Variants in FOXD1 observed in about 807,000 individuals in gnomAD.
FOXD1 encodes forkhead box D1.
A neutral mutation model predicts 2.0 loss-of-function variants in FOXD1; 4 were observed. The ratio of observed to expected loss-of-function variants is 2.03; its 90% CI spans 1.00 to 4.64. The LOEUF is 4.64. FOXD1 is among the 30% of genes most tolerant of loss of function. FOXD1 has a pLI of 0.01. For missense variants in FOXD1, 586 were observed against 647.6 expected (o/e 0.90, Z 1.03); for synonymous variants, 354 against 328.5 (o/e 1.08, Z -0.84).
Position 73,448,294 on chromosome 5 carries a change from C to G in FOXD1, c.69G>C (p.Gly23=), listed in dbSNP as rs114980107. 0.036 allele frequency: 53,508 copies of G among 1,470,302 alleles called. 1,138 individuals are homozygous for G. The highest frequency in any genetic ancestry group is 0.081 in the East Asian group (2,693 of 33,368). 91.1% of individuals were successfully genotyped at this position (1,470,302 alleles called of 1,614,324 possible). A position where few individuals can be genotyped will look rare whatever the true frequency, so the allele number is the denominator to read the frequency against. ...CCTCGTCTTCTTCGTCCTCGCCCTC[C>G]CCCACCACGTCGATGTCTGTTTCCT... ...LAEETDIDVV[G]EGEDEEDEEE... The change falls in exon 1 of 1, where the codon GGG becomes GGC. Residue 23 remains glycine (G), a synonymous_variant. Transcript: ENST00000615637.
At position 73,447,154 on chromosome 5, in the gene FOXD1, G is replaced by C. The variant is rs1745513968; in HGVS notation, c.1209C>G (p.Pro403=). The change falls in exon 1 of 1, where the codon CCC becomes CCG. Residue 403 remains proline (P), a synonymous_variant. Transcript: ENST00000615637. The surrounding 1 kb of genome is among the most constrained non-coding windows in gnomAD (Gnocchi z 7.8). ...CCGCGCAGCCTCCTCCGCTGGATCC[G>C]GGAGCTGGCGGCGCCGCCACCGGCG... ...SPSPVAAPPA[P]GSSGGGCAAQ... is the part of the protein sequence containing the mutation. The C allele has an allele frequency of 2.4e-5, 27 of 1,126,488 alleles. No individual in the cohort carries two copies. The highest frequency in any genetic ancestry group is 2.9e-5 in the Non-Finnish European group (27 of 920,018). The allele number at this position is 1,126,488 out of a possible 1,614,324, so 69.8% of individuals were successfully genotyped here.
Position 73,447,461 on chromosome 5 carries a change from G to A in FOXD1, c.902C>T (p.Ala301Val). The A allele has an allele frequency of 1.0e-6, 1 of 991,634 alleles. No individual in the cohort carries two copies. The highest frequency in any genetic ancestry group is 1.2e-6 in the Non-Finnish European group (1 of 836,234). The allele number at this position is 991,634 out of a possible 1,614,324, so 61.4% of individuals were successfully genotyped here. ...GGGCGAGTGCGGGTGGAAGGCGGCG[G>A]CGGCGGCGGCGGCCGCTGCGGCGGC... ...LFAAAAAAAA[A>V]AAFHPHSPPP... is the part of the protein sequence containing the mutation. Residue 301 changes from alanine (A) to valine (V), a missense_variant, in exon 1 of 1, where the codon GCC becomes GTC. This residue lies in a region of FOXD1 where 253 missense variants were observed against 234.4 expected (regional missense o/e 1.08). Transcript: ENST00000615637. The surrounding 1 kb of genome is among the most constrained non-coding windows in gnomAD (Gnocchi z 7.8).
In FOXD1 at chr5:73,447,913, C is replaced by A. The variant is rs761960630; in HGVS notation, c.450G>T (p.Glu150Asp). Reference protein sequence around the residue: ...QSPKKRLTLSEICEFISGRFP... With the variant: ...QSPKKRLTLSDICEFISGRFP... ...AGCGGCCGCTGATGAACTCACAGAT[C>A]TCGCTCAGCGTCAGCCGCTTCTTGG... The change falls in exon 1 of 1, where the codon GAG becomes GAT. Residue 150 changes from glutamate to aspartate, a missense_variant. Glu to Asp is a conservative substitution (Grantham distance 45). Coordinates refer to ENST00000615637, the MANE Select transcript of FOXD1 (RefSeq NM_004472.3). This position sits in a 1 kb window ranked among gnomAD's most constrained non-coding sequence, Gnocchi z 7.8. The A allele has an allele frequency of 1.2e-6, 2 of 1,610,936 alleles. No individual in the cohort carries two copies. Among genetic ancestry groups the A allele is most frequent in the Middle Eastern group, 1.7e-4 (1 of 6,050 alleles).
rs2112140192 is a variant in FOXD1, at chr5:73,447,922, C to T, written c.441G>A (p.Thr147=). 6.2e-7 allele frequency: 1 copy of T among 1,610,206 alleles called. No individual in the cohort carries two copies. The highest frequency in any genetic ancestry group is 1.1e-5 in the South Asian group (1 of 90,640). Residue 147 remains threonine, a synonymous_variant, in exon 1 of 1, where the codon ACG becomes ACA. Coordinates refer to ENST00000615637, the MANE Select transcript of FOXD1 (RefSeq NM_004472.3). This position sits in a 1 kb window ranked among gnomAD's most constrained non-coding sequence, Gnocchi z 7.8. ...TGATGAACTCACAGATCTCGCTCAG[C>T]GTCAGCCGCTTCTTGGGGCTCTGCA... ...AILQSPKKRL[T]LSEICEFISG... is the part of the protein sequence containing the mutation.
rs1745550294 is a variant in FOXD1, at chr5:73,448,318, C to T, written c.45G>A (p.Glu15=). ...TEMSDASGLA[E]ETDIDVVGEG... ...CCCCCACCACGTCGATGTCTGTTTC[C>T]TCGGCGAGGCCAGAGGCATCGGACA... Residue 15 remains glutamate (E), a synonymous_variant, in exon 1 of 1, where the codon GAG becomes GAA. Coordinates refer to ENST00000615637, the MANE Select transcript of FOXD1 (RefSeq NM_004472.3). 2.1e-6 allele frequency: 3 copies of T among 1,458,180 alleles called. No homozygotes were observed. Among genetic ancestry groups the T allele is most frequent in the Non-Finnish European group, 2.7e-6 (3 of 1,096,194 alleles). The allele number at this position is 1,458,180 out of a possible 1,614,324, so 90.3% of individuals were successfully genotyped here. A position where few individuals can be genotyped will look rare whatever the true frequency, so the allele number is the denominator to read the frequency against.
chr5:73,448,429 A>T lies in FOXD1; in HGVS notation c.-67T>A, dbSNP rs1028136718. ...GGGCTCCGGGCTCCCTCTGCGCCCCAGCCCGGGTCCCGGGCGGCAGGCCCG... is the reference window on the plus strand; with the variant it reads ...GGGCTCCGGGCTCCCTCTGCGCCCCTGCCCGGGTCCCGGGCGGCAGGCCCG... On this transcript the variant is annotated 5_prime_UTR_variant, in exon 1 of 1. Transcript: ENST00000615637. 9.7e-7 allele frequency: 1 copy of T among 1,027,096 alleles called. No homozygotes were observed. The highest frequency in any genetic ancestry group is 4.5e-5 in the South Asian group (1 of 22,186). 63.6% of individuals were successfully genotyped at this position (1,027,096 alleles called of 1,614,324 possible).
At position 73,448,181 on chromosome 5, in the gene FOXD1, C is replaced by T; in HGVS notation, c.182G>A (p.Gly61Glu). 6.9e-7 allele frequency: 1 copy of T among 1,446,378 alleles called. No individual in the cohort carries two copies. The highest frequency in any genetic ancestry group is 9.1e-7 in the Non-Finnish European group (1 of 1,093,402). 89.6% of individuals were successfully genotyped at this position (1,446,378 alleles called of 1,614,324 possible). A position where few individuals can be genotyped will look rare whatever the true frequency, so the allele number is the denominator to read the frequency against. Residue 61 changes from glycine (G) to glutamate (E), a missense_variant, in exon 1 of 1, where the codon GGG becomes GAG. By Grantham distance (98) the Gly-to-Glu change is moderately conservative. Around this residue, in one of 4 missense-constraint regions of FOXD1, gnomAD observed 183 missense variants for 159.2 expected, o/e 1.15. Coordinates refer to ENST00000615637, the MANE Select transcript of FOXD1 (RefSeq NM_004472.3). ...CTCCAGATCCTCCAGCTCGTCCTCC[C>T]CGGCGTACGAGCGCCGCCGCCGCCG... Reference protein sequence around the residue: ...QRRRRRRSYAGEDELEDLEEE... With the variant: ...QRRRRRRSYAEEDELEDLEEE...
In FOXD1 at chr5:73,448,496, C is replaced by G. The variant is rs1217726154; in HGVS notation, c.-134G>C. The stretch of plus-strand genomic sequence containing the variant: ...CTGGGGGCGCTGCGACTGCGGCTGC[C>G]GGAGCTGCGCCGGGGCTGCCGGGTG... On this transcript the variant is annotated 5_prime_UTR_variant, in exon 1 of 1. Coordinates refer to ENST00000615637, the MANE Select transcript of FOXD1 (RefSeq NM_004472.3). 1 of 403,988 alleles carries G rather than the reference C, an allele frequency of 2.5e-6. No individual in the cohort carries two copies. The highest frequency in any genetic ancestry group is 3.3e-6 in the Non-Finnish European group (1 of 298,576). The allele number at this position is 403,988 out of a possible 1,614,324, so 25.0% of individuals were successfully genotyped here.
rs771097469 is a variant in FOXD1, at chr5:73,448,182, C to A, written c.181G>T (p.Gly61Trp). The A allele has an allele frequency of 2.8e-6, 4 of 1,445,356 alleles. No individual in the cohort carries two copies. Among genetic ancestry groups the A allele is most frequent in the Non-Finnish European group, 3.7e-6 (4 of 1,093,078 alleles). 89.5% of individuals were successfully genotyped at this position (1,445,356 alleles called of 1,614,324 possible). A position where few individuals can be genotyped will look rare whatever the true frequency, so the allele number is the denominator to read the frequency against. Residue 61 changes from glycine (G) to tryptophan (W), a missense_variant, in exon 1 of 1, where the codon GGG (glycine) becomes TGG (tryptophan). By Grantham distance (184) the Gly-to-Trp change is radical. This residue lies in a region of FOXD1 where 183 missense variants were observed against 159.2 expected (regional missense o/e 1.15). Transcript: ENST00000615637. ...QRRRRRRSYA[G>W]EDELEDLEEE... The stretch of plus-strand genomic sequence containing the variant: ...TCCAGATCCTCCAGCTCGTCCTCCC[C>A]GGCGTACGAGCGCCGCCGCCGCCGC...
At position 73,447,862 on chromosome 5, in the gene FOXD1, G is replaced by T. The variant is rs1239096145; in HGVS notation, c.501C>A (p.Pro167=). The T allele has an allele frequency of 6.2e-7, 1 of 1,611,660 alleles. No individual in the cohort carries two copies. Among genetic ancestry groups the T allele is most frequent in the Non-Finnish European group, 8.5e-7 (1 of 1,178,932 alleles). Residue 167 remains proline (P), a synonymous_variant, in exon 1 of 1, where the codon CCC becomes CCA. Coordinates refer to ENST00000615637, the MANE Select transcript of FOXD1 (RefSeq NM_004472.3). This position sits in a 1 kb window ranked among gnomAD's most constrained non-coding sequence, Gnocchi z 7.8. ...TGTGGCGGATGCTGTTCTGCCAGGC[G>T]GGGAACTTCTCCCGGTAGTAGGGGA... ...GRFPYYREKF[P]AWQNSIRHNL... is the part of the protein sequence containing the mutation.
In FOXD1 at chr5:73,447,147, T is replaced by C. The variant is rs1745513811; in HGVS notation, c.1216A>G (p.Ser406Gly). Reference sequence around the variant, plus strand: ...GCCTGCGCCGCGCAGCCTCCTCCGCTGGATCCGGGAGCTGGCGGCGCCGCC... The same window carrying C: ...GCCTGCGCCGCGCAGCCTCCTCCGCCGGATCCGGGAGCTGGCGGCGCCGCC... ...PVAAPPAPGS[S>G]GGGCAAQAAV... The change falls in exon 1 of 1, where the codon AGC becomes GGC. Residue 406 changes from serine (S) to glycine (G), a missense_variant. Physicochemically the swap from Ser to Gly is moderately conservative, Grantham distance 56. Coordinates refer to ENST00000615637, the MANE Select transcript of FOXD1 (RefSeq NM_004472.3). This position sits in a 1 kb window ranked among gnomAD's most constrained non-coding sequence, Gnocchi z 7.8. 2 of 1,155,080 alleles carry C rather than the reference T, an allele frequency of 1.7e-6. No homozygotes were observed. Among genetic ancestry groups the C allele is most frequent in the East Asian group, 8.5e-5 (2 of 23,412 alleles). 71.6% of individuals were successfully genotyped at this position (1,155,080 alleles called of 1,614,324 possible).
At position 73,448,009 on chromosome 5, in the gene FOXD1, G is replaced by C. The variant is rs1487623707; in HGVS notation, c.354C>G (p.Gly118=). The C allele has an allele frequency of 7.1e-7, 1 of 1,412,302 alleles. No individual in the cohort carries two copies. The highest frequency in any genetic ancestry group is 9.3e-7 in the Non-Finnish European group (1 of 1,077,464). 87.5% of individuals were successfully genotyped at this position (1,412,302 alleles called of 1,614,324 possible). ...GCGGCTTCACCAGCGGGTTCTTGGCGCCGCTACCCGCGCTCCCGCCGCCGC... is the reference window on the plus strand; with the variant it reads ...GCGGCTTCACCAGCGGGTTCTTGGCCCCGCTACCCGCGCTCCCGCCGCCGC... ...GAGGGGSAGS[G]AKNPLVKPPY... is the part of the protein sequence containing the mutation. The change falls in exon 1 of 1, where the codon GGC becomes GGG. Residue 118 remains glycine, a synonymous_variant. Transcript: ENST00000615637.
In FOXD1 at chr5:73,446,738, T is replaced by C; in HGVS notation, c.*227A>G. 2.2e-6 allele frequency: 1 copy of C among 447,522 alleles called. No homozygotes were observed. The highest frequency in any genetic ancestry group is 4.1e-6 in the Non-Finnish European group (1 of 246,686). 27.7% of individuals were successfully genotyped at this position (447,522 alleles called of 1,614,324 possible). ...TTCCTCCCTACCCCAGGTCGGGGGTTGGGGGGCTGTAGCATAGGTCGGCTT... is the reference window on the plus strand; with the variant it reads ...TTCCTCCCTACCCCAGGTCGGGGGTCGGGGGGCTGTAGCATAGGTCGGCTT... On this transcript the variant is annotated 3_prime_UTR_variant, in exon 1 of 1. Transcript: ENST00000615637.
At position 73,448,008 on chromosome 5, in the gene FOXD1, C is replaced by T. The variant is rs772246925; in HGVS notation, c.355G>A (p.Ala119Thr). 7.1e-6 allele frequency: 10 copies of T among 1,412,572 alleles called. No individual in the cohort carries two copies. The Admixed American group carries it at 7.6e-5, about 11-fold the overall frequency. The allele number at this position is 1,412,572 out of a possible 1,614,324, so 87.5% of individuals were successfully genotyped here. Residue 119 changes from alanine to threonine, a missense_variant, in exon 1 of 1, where the codon GCC becomes ACC. Ala to Thr is a moderately conservative substitution (Grantham distance 58). Transcript: ENST00000615637. ...AGGGGSAGSG[A>T]KNPLVKPPYS... ...GGCGGCTTCACCAGCGGGTTCTTGGCGCCGCTACCCGCGCTCCCGCCGCCG... is the reference window on the plus strand; with the variant it reads ...GGCGGCTTCACCAGCGGGTTCTTGGTGCCGCTACCCGCGCTCCCGCCGCCG...
chr5:73,448,082 G>T lies in FOXD1; in HGVS notation c.281C>A (p.Pro94Gln). ...CCCACCGGCTCCTGCCCCCGCCGCCGGGGCCGGGCCCGGGGGCGCCGGGGA... is the reference window on the plus strand; with the variant it reads ...CCCACCGGCTCCTGCCCCCGCCGCCTGGGCCGGGCCCGGGGGCGCCGGGGA... Reference protein sequence around the residue: ...GGSPAPPGPAPAAGAGAGGGG... With the variant: ...GGSPAPPGPAQAAGAGAGGGG... Residue 94 changes from proline to glutamine, a missense_variant, in exon 1 of 1, where the codon CCG becomes CAG. By Grantham distance (76) the Pro-to-Gln change is moderately conservative. Coordinates refer to ENST00000615637, the MANE Select transcript of FOXD1 (RefSeq NM_004472.3). 1 of 1,122,384 alleles carries T rather than the reference G, an allele frequency of 8.9e-7. No homozygotes were observed. The highest frequency in any genetic ancestry group is 1.1e-6 in the Non-Finnish European group (1 of 916,524). 69.5% of individuals were successfully genotyped at this position (1,122,384 alleles called of 1,614,324 possible).
At position 73,448,439 on chromosome 5, in the gene FOXD1, C is replaced by T. The variant is rs1745555483; in HGVS notation, c.-77G>A. The T allele has an allele frequency of 1.0e-6, 1 of 984,306 alleles. No homozygotes were observed. The highest frequency in any genetic ancestry group is 1.2e-6 in the Non-Finnish European group (1 of 814,544). 61.0% of individuals were successfully genotyped at this position (984,306 alleles called of 1,614,324 possible). On this transcript the variant is annotated 5_prime_UTR_variant, in exon 1 of 1. Coordinates refer to ENST00000615637, the MANE Select transcript of FOXD1 (RefSeq NM_004472.3). ...CTCCCTCTGCGCCCCAGCCCGGGTCCCGGGCGGCAGGCCCGGCCGGGGGGC... is the reference window on the plus strand; with the variant it reads ...CTCCCTCTGCGCCCCAGCCCGGGTCTCGGGCGGCAGGCCCGGCCGGGGGGC...
Position 73,448,138 on chromosome 5 carries a change from A to G in FOXD1, c.225T>C (p.Asp75=). 1 of 1,371,742 alleles carries G rather than the reference A, an allele frequency of 7.3e-7. No homozygotes were observed. 85.0% of individuals were successfully genotyped at this position (1,371,742 alleles called of 1,614,324 possible). A position where few individuals can be genotyped will look rare whatever the true frequency, so the allele number is the denominator to read the frequency against. ...CAGCAGGCGGGGCCAGCAGGATGTC[A>G]TCGTCGTCCTCCTCCTCCTCCAGAT... ...LEDLEEEEDD[D]DILLAPPAGG... Residue 75 remains aspartate, a synonymous_variant, in exon 1 of 1, where the codon GAT becomes GAC. Transcript: ENST00000615637.
In FOXD1 at chr5:73,448,229, C is replaced by G. The variant is rs762746502; in HGVS notation, c.134G>C (p.Arg45Pro). The G allele has an allele frequency of 6.3e-5, 93 of 1,480,006 alleles. No homozygotes were observed. The highest frequency in any genetic ancestry group is 3.8e-4 in the Middle Eastern group (2 of 5,214). 91.7% of individuals were successfully genotyped at this position (1,480,006 alleles called of 1,614,324 possible). ...CCGCCGCTGCGCGGGGACAGCCAGC[C>G]GGGGCCCGCCACCGCCGCCCTCGTC... The part of the protein sequence containing the change: ...DDDEGGGGGP[R>P]LAVPAQRRRR... The change falls in exon 1 of 1, where the codon CGG (arginine) becomes CCG (proline). Residue 45 changes from arginine (R) to proline (P), a missense_variant. By Grantham distance (103) the Arg-to-Pro change is moderately radical (BLOSUM62 -2). Coordinates refer to ENST00000615637, the MANE Select transcript of FOXD1 (RefSeq NM_004472.3).
At position 73,447,043 on chromosome 5, in the gene FOXD1, G is replaced by C; in HGVS notation, c.1320C>G (p.Ser440=). The C allele has an allele frequency of 1.3e-6, 2 of 1,535,946 alleles. No homozygotes were observed. Among genetic ancestry groups the C allele is most frequent in the Non-Finnish European group, 1.8e-6 (2 of 1,140,138 alleles). Residue 440 remains serine (S), a synonymous_variant, in exon 1 of 1, where the codon TCC becomes TCG. Coordinates refer to ENST00000615637, the MANE Select transcript of FOXD1 (RefSeq NM_004472.3). This position sits in a 1 kb window ranked among gnomAD's most constrained non-coding sequence, Gnocchi z 7.8. Reference sequence around the variant, plus strand: ...CTTGGTGCAGAGTCCCCAAGGCGGCGGACGAGGAGACTGAGGAGGCGGCGG... The same window carrying C: ...CTTGGTGCAGAGTCCCCAAGGCGGCCGACGAGGAGACTGAGGAGGCGGCGG... The part of the protein sequence containing the change: ...AAAAASSVSS[S]AALGTLHQGT...
Sources: gnomAD v4.1 joint callset for allele counts on GRCh38, gnomAD v4.1.1 for gene constraint, gnomAD v4.1.1 regional missense constraint, Gnocchi (gnomAD v3.1) non-coding constraint, MANE v1.5 for transcripts, NCBI Gene and HGNC (gene_info 2026-07-23, HGNC 2026-07-21) for gene names.